Variants in CSNK2A1 observed in about 807,000 individuals in gnomAD.
CSNK2A1 encodes casein kinase 2 alpha 1, also known as casein kinase II subunit alpha.
CSNK2A1 carries 10 observed loss-of-function variants against 62.9 expected under a neutral mutation model. The ratio of observed to expected loss-of-function variants is 0.16; its 90% CI spans 0.10 to 0.27. The LOEUF (loss-of-function observed/expected upper bound fraction) is 0.27. CSNK2A1 is among the 10% of genes least tolerant of loss of function. The pLI is 1.00. For synonymous variants in CSNK2A1, 124 were observed against 167.8 expected (o/e 0.74, Z 2.02); for missense variants, 160 against 492.0 (o/e 0.33, Z 6.38).
At chr20:529,634 A>T (rs2019170373) in intron 1 of CSNK2A1, among the ~76,000 whole-genome samples, 1 of 152,216 alleles carries the variant, frequency 6.6e-6, no homozygotes, top group Non-Finnish European at 1.5e-5. Context: ...TAATATGGAA[A>T]AAAAAATCAT....
Position 475,554 on chromosome 20 carries a change from A to G in CSNK2A1, c.*8407T>C, listed in dbSNP as rs1414101605. 6.6e-6 allele frequency: 1 copy of G among 152,012 alleles called. No homozygotes were observed. The highest frequency in any genetic ancestry group is 2.4e-5 in the African/African-American group (1 of 41,388). The allele number at this position is 152,012 out of a possible 1,614,324, so 9.4% of individuals were successfully genotyped here. On this transcript the variant is annotated 3_prime_UTR_variant, in exon 14 of 14. Transcript: ENST00000217244. ...GTGGTTGCCTTCTGTTCCTACTGAT[A>G]TATATGAATAGTATGGCTGATTGCA...
rs1026845360 is a variant in CSNK2A1, at chr20:520,026, A to G, written c.-110+7907T>C. Among the ~76,000 whole-genome samples, 5 of 152,214 alleles carry G rather than the reference A, an allele frequency of 3.3e-5. No homozygotes were observed. The South Asian group carries it at 8.3e-4, about 25-fold the overall frequency. The stretch of plus-strand genomic sequence containing the variant: ...CACAAGATGTATGACAACTAATTAC[A>G]GAATAAAAATAGCATATATTTCCAA... On this transcript the variant is annotated intron_variant, in intron 2 of 13. Coordinates refer to ENST00000217244, the MANE Select transcript of CSNK2A1 (RefSeq NM_177559.3).
At chr20:497,976 A>C in intron 6 of CSNK2A1, 196 bp from the exon 7 acceptor site, 1 of 519,922 alleles carries the variant, frequency 1.9e-6, no homozygotes. Context: ...AAAAATGAAG[A>C]ATTACTTAAA....
In CSNK2A1 at chr20:499,359, T is replaced by C; in HGVS notation, c.316-54A>G. 5 of 1,548,550 alleles carry C rather than the reference T, an allele frequency of 3.2e-6. No individual in the cohort carries two copies. Among genetic ancestry groups the C allele is most frequent in the Non-Finnish European group, 4.4e-6 (5 of 1,135,016 alleles). On this transcript the variant is annotated intron_variant, in intron 5 of 13. Transcript: ENST00000217244. This position sits in a 1 kb window ranked among gnomAD's most constrained non-coding sequence, Gnocchi z 4.2. ...CACATTAGCAATAGCCCTGACAGCT[T>C]TAATGGGGACAATGTTTGCGGATGC...
chr20:491,648 G>C (rs2018237235), intron 9 of CSNK2A1, among the ~76,000 whole-genome samples: 1 of 152,126 alleles, frequency 6.6e-6, no homozygotes, highest in African/African-American at 2.4e-5. Flanking sequence ...TCCAGCCTGG[G>C]CAACAGAGCA....
intron 1 of CSNK2A1, among the ~76,000 whole-genome samples, chr20:534,911 G>A (rs1253217544): frequency 1.3e-5 from 2 of 151,224 alleles, no homozygotes; most frequent in Admixed American, 6.6e-5. Flanking sequence ...GCGTGCGCCT[G>A]TAGTCCCAGC....
chr20:540,757 G>C (rs1416690156), intron 1 of CSNK2A1: 1 of 152,160 alleles, frequency 6.6e-6, no homozygotes, highest in Non-Finnish European at 1.5e-5. Flanking sequence ...ATCTATACTA[G>C]TGTTCTACTG....
intron 2 of CSNK2A1, among the ~76,000 whole-genome samples, chr20:512,209 T>TTC (rs2018737926): frequency 7.5e-6 from 1 of 133,382 alleles, no homozygotes; most frequent in Non-Finnish European, 1.6e-5. Flanking sequence ...CTTCTTCTTC[T>TTC]TTTTTTTTTT....
At chr20:508,896 C>A (rs2018659912) in intron 2 of CSNK2A1, among the ~76,000 whole-genome samples, 1 of 152,208 alleles carries the variant, frequency 6.6e-6, no homozygotes, top group Non-Finnish European at 1.5e-5. Context: ...CCTGTTACCT[C>A]TGCAGGCAAA....
At chr20:495,557 G>A (rs192334107) in intron 8 of CSNK2A1, 162 bp downstream of exon 8, 1 of 578,660 alleles carries the variant, frequency 1.7e-6, no homozygotes, top group African/African-American at 1.9e-5. Context: ...ATAAATAATG[G>A]TTCAAACATG....
At position 483,685 on chromosome 20, in the gene CSNK2A1, G is replaced by A. The variant is rs1384703448; in HGVS notation, c.*276C>T. The A allele has an allele frequency of 4.5e-6, 1 of 223,658 alleles. No homozygotes were observed. The highest frequency in any genetic ancestry group is 8.6e-6 in the Non-Finnish European group (1 of 116,006). The allele number at this position is 223,658 out of a possible 1,614,324, so 13.9% of individuals were successfully genotyped here. Reference sequence around the variant, plus strand: ...GTGATGAGGAACTAAATTTGGGAGGGGAGAAAAAAAAATTTGTCCATGAAA... The same window carrying A: ...GTGATGAGGAACTAAATTTGGGAGGAGAGAAAAAAAAATTTGTCCATGAAA... On this transcript the variant is annotated 3_prime_UTR_variant, in exon 14 of 14. Transcript: ENST00000217244.
chr20:507,678 T>G (rs7345879), intron 3 of CSNK2A1: 2 of 152,208 alleles, frequency 1.3e-5, no homozygotes, highest in African/African-American at 4.8e-5. Flanking sequence ...CAGAAAGAAG[T>G]TACCTCTTTG....
At chr20:490,332 TTTC>T (rs1460964547) in intron 9 of CSNK2A1, among the ~76,000 whole-genome samples, 3 of 132,754 alleles carry the variant, frequency 2.3e-5, no homozygotes, top group African/African-American at 3.5e-5. Context: ...TGGCTAGTTT[TTTC>T]TTTTTTTTTT....
chr20:500,166 A>C, intron 4 of CSNK2A1: 1 of 481,498 alleles, frequency 2.1e-6, no homozygotes. Flanking sequence ...CAAAGACCAG[A>C]CACTTCTGCA....
At chr20:485,001 AG>A (rs1333194591) in intron 13 of CSNK2A1, among the ~76,000 whole-genome samples, 89 of 129,950 alleles carry the variant, frequency 6.8e-4, no homozygotes, top group Non-Finnish European at 1.2e-3. Flanking sequence ...CGGGAGGCGG[AG>A]GCTGCAGCAG....
At chr20:529,107 C>T (rs562643204) in intron 1 of CSNK2A1, among the ~76,000 whole-genome samples, 17 of 152,172 alleles carry the variant, frequency 1.1e-4, no homozygotes, top group Admixed American at 9.2e-4. Context: ...GTGGTGCAAC[C>T]GTAGCTCACT....
chr20:490,335 C>CTTTTTTTTTTTT (rs907727482), intron 9 of CSNK2A1, among the ~76,000 whole-genome samples: 20 of 84,722 alleles, frequency 2.4e-4, no homozygotes, highest in African/African-American at 3.8e-4. Flanking sequence ...CTAGTTTTTT[C>CTTTTTTTTTTTT]TTTTTTTTTT....
chr20:508,144 C>G (rs2122570072), intron 3 of CSNK2A1: 1 of 226,534 alleles, frequency 4.4e-6, no homozygotes, highest in East Asian at 1.1e-4. Flanking sequence ...GAACCACTGT[C>G]CTACATGTGG....
chr20:527,172 T>TA (rs1401699695), intron 2 of CSNK2A1, among the ~76,000 whole-genome samples: 1 of 152,122 alleles, frequency 6.6e-6, no homozygotes, highest in Non-Finnish European at 1.5e-5. Context: ...GGTAAAAAGA[T>TA]AAGACAATAT....
Sources: gnomAD v4.1 joint callset for allele counts (sites outside exome capture counted in the v4.1 genomes callset) on GRCh38, gnomAD v4.1.1 for gene constraint, Gnocchi (gnomAD v3.1) non-coding constraint, MANE v1.5 for transcripts, NCBI Gene and HGNC (gene_info 2026-07-23, HGNC 2026-07-21) for gene names.